The following DLGAP2 variants were observed in gnomAD, a reference collection of about 807,000 sequenced individuals.
DLGAP2 encodes the protein DLG associated protein 2.
DLGAP2 carries 26 observed loss-of-function variants against 100.3 expected under a neutral mutation model. The ratio of observed to expected loss-of-function variants is 0.26; its 90% confidence interval spans 0.19 to 0.36. The LOEUF is 0.36. Ranked by LOEUF, DLGAP2 falls within the 10% of genes least tolerant of loss-of-function variation. DLGAP2 has a pLI of 1.00. For missense variants in DLGAP2, 1,858 were observed against 1,453.2 expected (o/e 1.28, Z -4.53); for synonymous variants, 886 against 630.1 (o/e 1.41, Z -6.08).
At chr8:983,749 C>G (rs999723010) in intron 2 of DLGAP2, among the ~76,000 whole-genome samples, 1 of 152,068 alleles carries the variant, frequency 6.6e-6, no homozygotes, top group Admixed American at 6.5e-5. Context: ...CTCAAGCAAT[C>G]CTTTCACCGC....
chr8:908,058 G>A, intron 2 of DLGAP2, 92 bp downstream of exon 2: 1 of 396,802 alleles, frequency 2.5e-6, no homozygotes, highest in Non-Finnish European at 4.4e-6. Context: ...GATATTTTGT[G>A]CATTTTTATT....
At chr8:1,058,062 G>T (rs542382631) in intron 2 of DLGAP2, among the ~76,000 whole-genome samples, 6 of 152,202 alleles carry the variant, frequency 3.9e-5, no homozygotes, top group African/African-American at 1.4e-4. Flanking sequence ...GAGAAGAAAA[G>T]ATATTACCCT....
At chr8:849,415 A>T (rs866250198) in intron 1 of DLGAP2, among the ~76,000 whole-genome samples, 1 of 152,262 alleles carries the variant, frequency 6.6e-6, no homozygotes, top group Admixed American at 6.5e-5. Context: ...TACTGAGCGC[A>T]GGAGTTTTTG....
intron 4 of DLGAP2, among the ~76,000 whole-genome samples, chr8:1,529,506 T>A (rs543565449): frequency 3.6e-4 from 55 of 152,290 alleles, no homozygotes; most frequent in African/African-American, 1.3e-3. Flanking sequence ...GTGTTCATCA[T>A]ATGCTGAGAA....
intron 3 of DLGAP2, among the ~76,000 whole-genome samples, chr8:1,474,803 C>G (rs1402602369): frequency 6.6e-6 from 1 of 152,148 alleles, no homozygotes; most frequent in Non-Finnish European, 1.5e-5. Context: ...TTGGTTCAGC[C>G]CCTGTGGAAA....
At chr8:1,039,506 G>A (rs1291281486) in intron 2 of DLGAP2, among the ~76,000 whole-genome samples, 15 of 121,582 alleles carry the variant, frequency 1.2e-4, no homozygotes, top group East Asian at 5.7e-4. Flanking sequence ...GTGCATGGTC[G>A]GCTCGGTGTG....
At chr8:741,389 ATTC>A (rs1390386666) in intron 1 of DLGAP2, among the ~76,000 whole-genome samples, 1 of 152,102 alleles carries the variant, frequency 6.6e-6, no homozygotes, top group African/African-American at 2.4e-5. Flanking sequence ...TTTTCATGTC[ATTC>A]TTCTGTGCAC....
At chr8:887,143 G>A (rs919794911) in intron 1 of DLGAP2, among the ~76,000 whole-genome samples, 4 of 151,370 alleles carry the variant, frequency 2.6e-5, no homozygotes, top group African/African-American at 9.7e-5. Context: ...TGCCATTTTT[G>A]ATCTTTGTTG....
At chr8:880,655 A>C (rs1437533643) in intron 1 of DLGAP2, among the ~76,000 whole-genome samples, 1 of 140,884 alleles carries the variant, frequency 7.1e-6, no homozygotes, top group Non-Finnish European at 1.5e-5. Flanking sequence ...CGTGCTGGGG[A>C]GACTTTATAG....
intron 3 of DLGAP2, among the ~76,000 whole-genome samples, chr8:1,479,696 C>A (rs905708082): frequency 6.6e-6 from 1 of 152,016 alleles, no homozygotes; most frequent in African/African-American, 2.4e-5. Context: ...GTTGGCCAAC[C>A]GTAAGATGAA....
Position 821,867 on chromosome 8 carries a change from G to C in DLGAP2, c.18+84042G>C, listed in dbSNP as rs73673020. ...GTAGTTTCCATGTTCATACATCCTG[G>C]ATCCACGCACACAGCGTGCCATTCC... is the stretch of plus-strand genomic sequence containing the variant. On this transcript the variant is annotated intron_variant, in intron 1 of 14. Transcript: ENST00000637795. Among the ~76,000 whole-genome samples, 515 of 152,292 alleles carry C rather than the reference G, an allele frequency of 3.4e-3. 4 individuals carry two copies. Among genetic ancestry groups the C allele is most frequent in the African/African-American group, 0.011 (472 of 41,544 alleles).
At chr8:1,549,803 C>G (rs1434693315) in intron 5 of DLGAP2, 120 bp downstream of exon 5, 2 of 1,103,326 alleles carry the variant, frequency 1.8e-6, no homozygotes, top group East Asian at 2.6e-5. Context: ...ACAGGATGTT[C>G]TGAGCTACGG....
At chr8:1,349,972 A>AT (rs1209824519) in intron 3 of DLGAP2, among the ~76,000 whole-genome samples, 1 of 152,018 alleles carries the variant, frequency 6.6e-6, no homozygotes, top group Admixed American at 6.6e-5. Context: ...CAGAGGCTCT[A>AT]TTTTTTTTCA....
intron 3 of DLGAP2, among the ~76,000 whole-genome samples, chr8:1,339,805 C>T (rs1409199783): frequency 6.6e-6 from 1 of 152,152 alleles, no homozygotes; most frequent in East Asian, 1.9e-4. Flanking sequence ...GGCGATGGCT[C>T]AGCACTGCTG....
chr8:754,236 T>A (rs1185661729), intron 1 of DLGAP2: 3 of 152,326 alleles, frequency 2.0e-5, no homozygotes, highest in East Asian at 1.9e-4. Flanking sequence ...TCGTCCACTG[T>A]CACTGCCGTA....
At chr8:1,668,072 T>C (rs1445400586) in intron 8 of DLGAP2, among the ~76,000 whole-genome samples, 2 of 150,734 alleles carry the variant, frequency 1.3e-5, no homozygotes, top group African/African-American at 4.9e-5. Context: ...CACGCCTGCG[T>C]GCTGTCCTGC....
chr8:1,550,841 G>T (rs568647012), intron 5 of DLGAP2, among the ~76,000 whole-genome samples: 1 of 152,168 alleles, frequency 6.6e-6, no homozygotes, highest in African/African-American at 2.4e-5. Flanking sequence ...AGTCGATAGC[G>T]CTGTTAAAAA....
chr8:1,175,906 G>T (rs765852186), intron 2 of DLGAP2, among the ~76,000 whole-genome samples: 4 of 152,296 alleles, frequency 2.6e-5, no homozygotes, highest in East Asian at 1.9e-4. Context: ...TGGGGAGGTC[G>T]CATCCTCCCT....
chr8:757,903 G>T (rs990006667), intron 1 of DLGAP2, among the ~76,000 whole-genome samples: 4 of 152,238 alleles, frequency 2.6e-5, no homozygotes, highest in African/African-American at 9.6e-5. Context: ...TTGTCTCCTC[G>T]TTTCCCACCT....
Sources: gnomAD v4.1 joint callset for allele counts (sites outside exome capture counted in the v4.1 genomes callset) on GRCh38, gnomAD v4.1.1 for gene constraint, MANE v1.5 for transcripts, NCBI Gene and HGNC (gene_info 2026-07-23, HGNC 2026-07-21) for gene names.